The following PPARG variants were observed in gnomAD, a reference collection of about 807,000 sequenced individuals.
PPARG encodes peroxisome proliferator activated receptor gamma, also known as peroxisome proliferator-activated receptor gamma.
A neutral mutation model predicts 39.2 loss-of-function variants in PPARG; 17 were observed. The observed-to-expected ratio is 0.43, with a 90% confidence interval of 0.30 to 0.65. The LOEUF (loss-of-function observed/expected upper bound fraction) is 0.65. Among genes scored for constraint, PPARG ranks in the 30% least tolerant of loss-of-function variants. The probability of loss-of-function intolerance (pLI) is 0.13; values close to 1 mark genes in which losing one functional copy is unlikely to be tolerated. For missense variants in PPARG, 406 were observed against 585.9 expected, an observed-to-expected ratio of 0.69 and a Z score of 3.17; for synonymous variants, 223 against 215.7, an observed-to-expected ratio of 1.03 and a Z score of -0.30.
chr3:12,355,560 G>C (rs1384519319), intron 2 of PPARG, among the ~76,000 whole-genome samples: 1 of 151,916 alleles, frequency 6.6e-6, no homozygotes. Context: ...ACTTAACTCT[G>C]ATTAACCTCT....
intron 2 of PPARG, among the ~76,000 whole-genome samples, chr3:12,344,590 G>A (rs1185856843): frequency 6.6e-6 from 1 of 152,074 alleles, no homozygotes; most frequent in Non-Finnish European, 1.5e-5. Context: ...GTCTACTTCC[G>A]CTAAGTGAAC....
intron 7 of PPARG, among the ~76,000 whole-genome samples, chr3:12,432,002 C>G (rs755204580): frequency 1.3e-5 from 2 of 151,916 alleles, no homozygotes; most frequent in African/African-American, 4.8e-5. Flanking sequence ...ACAATATCAT[C>G]TACAACTTTA....
rs533092274 is a variant in PPARG at position 12,289,331 on chromosome 3, T to G, written c.-83+197T>G. On this transcript the variant is annotated intron_variant, in intron 1 of 7. Transcript: ENST00000651735. Reference sequence around the variant, plus strand: ...GTTATAAAAGAAATCAAGTCAAAAATAGTCGTCTGCCATGAAGAAACTAAA... The same window carrying G: ...GTTATAAAAGAAATCAAGTCAAAAAGAGTCGTCTGCCATGAAGAAACTAAA... Among the ~76,000 whole-genome samples the G allele has an allele frequency of 7.2e-5, 11 of 152,326 alleles. No homozygotes were observed. In the South Asian group the frequency reaches 1.0e-3, roughly 14 times the overall value.
rs187600048 is a variant in PPARG at position 12,429,187 on chromosome 3, C to T, written c.1181-4711C>T. Among the ~76,000 whole-genome samples, 121 of 152,236 alleles carry T rather than the reference C, an allele frequency of 7.9e-4. 1 individual carries two copies. Among genetic ancestry groups the T allele is most frequent in the Admixed American group, 2.0e-3 (31 of 15,286 alleles). On this transcript the variant is annotated intron_variant, in intron 7 of 7. Transcript: ENST00000651735. ...CCGTGGCCACAAAATTTCAGCCCTT[C>T]AGCCAAGCTTCATCCATCACATCAT...
chr3:12,307,799 C>G lies in PPARG; in HGVS notation c.-82-4581C>G, dbSNP rs1042370509. Among the ~76,000 whole-genome samples, 3 of 152,104 alleles carry G rather than the reference C, an allele frequency of 2.0e-5. No individual in the cohort carries two copies. The South Asian group carries it at 6.2e-4, about 32-fold the overall frequency. On this transcript the variant is annotated intron_variant, in intron 1 of 7. Transcript: ENST00000651735. ...TTCTTTAATGTATTTTGAAAGACCC[C>G]GGTAAAGAAAGGAATTTCTTTTAAT...
chr3:12,330,678 A>C (rs556308081), intron 2 of PPARG, among the ~76,000 whole-genome samples: 2 of 152,328 alleles, frequency 1.3e-5, no homozygotes, highest in South Asian at 4.1e-4. Flanking sequence ...TCTCTCTTCA[A>C]CTGAAAGAAT....
chr3:12,366,516 A>G (rs2049023206), intron 2 of PPARG, among the ~76,000 whole-genome samples: 1 of 152,116 alleles, frequency 6.6e-6, no homozygotes, highest in South Asian at 2.1e-4. Flanking sequence ...TCCTTGCCTT[A>G]TTCCTAATCT....
intron 2 of PPARG, among the ~76,000 whole-genome samples, chr3:12,324,627 A>T (rs2047641292): frequency 6.6e-6 from 1 of 152,188 alleles, no homozygotes; most frequent in African/African-American, 2.4e-5. Flanking sequence ...TACTGTGCTT[A>T]ACTTTCTAAG....
At chr3:12,416,556 G>A (rs2125283511) in intron 6 of PPARG, 148 bp from the exon 7 acceptor site, 2 of 780,364 alleles carry the variant, frequency 2.6e-6, no homozygotes, top group South Asian at 3.4e-5. Flanking sequence ...AAGAACTTGA[G>A]AGTATTTTCT....
chr3:12,357,162 A>G (rs1175511693), intron 2 of PPARG, among the ~76,000 whole-genome samples: 3 of 151,976 alleles, frequency 2.0e-5, no homozygotes, highest in African/African-American at 7.3e-5. Context: ...ATGATGCTCA[A>G]ATGTGAGTCA....
At chr3:12,392,046 G>C (rs2050094774) in intron 4 of PPARG, among the ~76,000 whole-genome samples, 1 of 152,080 alleles carries the variant, frequency 6.6e-6, no homozygotes, top group African/African-American at 2.4e-5. Context: ...GTCTCTTTCT[G>C]TCTGTAAGCC....
intron 2 of PPARG, chr3:12,328,201 A>C (rs1223319344): frequency 1.4e-6 from 2 of 1,460,060 alleles, no homozygotes; most frequent in African/African-American, 1.4e-5. Context: ...GAACAGAAAA[A>C]GTCCTACCTG....
At chr3:12,346,889 G>A (rs1461740826) in intron 2 of PPARG, among the ~76,000 whole-genome samples, 2 of 151,982 alleles carry the variant, frequency 1.3e-5, no homozygotes, top group Non-Finnish European at 2.9e-5. Context: ...TCTTGCCTTA[G>A]CCACCCAAAG....
intron 4 of PPARG, among the ~76,000 whole-genome samples, chr3:12,388,232 G>C (rs1475399305): frequency 6.6e-6 from 1 of 152,164 alleles, no homozygotes; most frequent in Non-Finnish European, 1.5e-5. Flanking sequence ...TCAACTGCCA[G>C]CAAATTCTAC....
chr3:12,350,527 CAA>C (rs1185550103), intron 2 of PPARG, among the ~76,000 whole-genome samples: 10 of 152,190 alleles, frequency 6.6e-5, no homozygotes. Flanking sequence ...TGAAAGTCCG[CAA>C]AGTCACTGCA....
chr3:12,351,771 T>C, intron 2 of PPARG: 1 of 935,776 alleles, frequency 1.1e-6, no homozygotes, highest in South Asian at 1.3e-5. Context: ...GTGTTTGTTT[T>C]AATACTATCA....
intron 7 of PPARG, among the ~76,000 whole-genome samples, chr3:12,421,650 C>T (rs1395454057): frequency 6.6e-6 from 1 of 152,198 alleles, no homozygotes; most frequent in Admixed American, 6.5e-5. Flanking sequence ...CCTAAACCTC[C>T]AAGATACGGG....
chr3:12,342,492 A>G (rs1393888607), intron 2 of PPARG, among the ~76,000 whole-genome samples: 1 of 152,244 alleles, frequency 6.6e-6, no homozygotes, highest in Non-Finnish European at 1.5e-5. Flanking sequence ...TGAAATGAAA[A>G]TGTAATTAAA....
intron 2 of PPARG, among the ~76,000 whole-genome samples, chr3:12,343,258 C>T (rs1020740368): frequency 6.6e-6 from 1 of 152,162 alleles, no homozygotes; most frequent in African/African-American, 2.4e-5. Flanking sequence ...TGAGTCTTGC[C>T]TTTCTTCACT....
Sources: allele counts gnomAD v4.1 joint callset (sites outside exome capture counted in the v4.1 genomes callset), GRCh38; gene constraint gnomAD v4.1.1; transcripts MANE v1.5; gene names NCBI Gene and HGNC (gene_info 2026-07-23, HGNC 2026-07-21).